Variants in NKAIN2 observed in about 807,000 individuals in gnomAD.
NKAIN2 encodes the protein sodium/potassium-transporting ATPase subunit beta-1-interacting protein 2.
A neutral mutation model predicts 32.6 loss-of-function variants in NKAIN2; 14 were observed. That is an observed-to-expected ratio of 0.43 (90% CI 0.28 to 0.67). NKAIN2 has a LOEUF of 0.67. Among genes scored for constraint, NKAIN2 ranks in the 30% least tolerant of loss-of-function variants. The probability of loss-of-function intolerance (pLI) is 0.17; values close to 1 mark genes in which losing one functional copy is unlikely to be tolerated. For missense variants in NKAIN2, 198 were observed against 258.3 expected (o/e 0.77, Z 1.60); for synonymous variants, 80 against 87.2 (o/e 0.92, Z 0.46).
chr6:123,837,694 A>G (rs1774689635), intron 1 of NKAIN2, among the ~76,000 whole-genome samples: 1 of 152,116 alleles, frequency 6.6e-6, no homozygotes, highest in Non-Finnish European at 1.5e-5. Flanking sequence ...AGTAAAACCG[A>G]AGTCCTTACT....
chr6:124,689,845 A>C (rs957898417), intron 4 of NKAIN2, among the ~76,000 whole-genome samples: 1 of 152,114 alleles, frequency 6.6e-6, no homozygotes, highest in Admixed American at 6.6e-5. Flanking sequence ...CTAGTACCAC[A>C]CTATCTTAAT....
chr6:124,103,854 G>A (rs1288810225), intron 1 of NKAIN2, among the ~76,000 whole-genome samples: 1 of 152,114 alleles, frequency 6.6e-6, no homozygotes, highest in Non-Finnish European at 1.5e-5. Context: ...TTGAGAGGCC[G>A]AGGTGGGCGG....
chr6:124,810,631 TAATAAA>T (rs1780854434), intron 5 of NKAIN2, among the ~76,000 whole-genome samples: 1 of 151,674 alleles, frequency 6.6e-6, no homozygotes, highest in Non-Finnish European at 1.5e-5. Flanking sequence ...TAAAGTATAA[TAATAAA>T]AATAAACAAA....
chr6:124,414,992 G>C (rs1210065032), intron 3 of NKAIN2, among the ~76,000 whole-genome samples: 1 of 151,790 alleles, frequency 6.6e-6, no homozygotes, highest in African/African-American at 2.4e-5. Flanking sequence ...AACTCAAATT[G>C]CTTTTTCTAT....
chr6:124,735,150 G>A (rs1319205428), intron 4 of NKAIN2, among the ~76,000 whole-genome samples: 1 of 151,858 alleles, frequency 6.6e-6, no homozygotes, highest in African/African-American at 2.4e-5. Flanking sequence ...TGTAACTCAG[G>A]AATTTCATTT....
chr6:124,186,182 A>AAAGAAAGG (rs1554263939), intron 1 of NKAIN2, among the ~76,000 whole-genome samples: 1 of 147,912 alleles, frequency 6.8e-6, no homozygotes, highest in African/African-American at 2.6e-5. Context: ...GGAAAGAAAG[A>AAAGAAAGG]AAGGAAGGAA....
At chr6:124,640,760 T>C (rs1009541758) in intron 3 of NKAIN2, among the ~76,000 whole-genome samples, 3 of 152,114 alleles carry the variant, frequency 2.0e-5, no homozygotes, top group Non-Finnish European at 4.4e-5. Context: ...AAAATTGAGA[T>C]TTTGAGCCTG....
chr6:124,588,426 G>T (rs1165265637), intron 3 of NKAIN2, among the ~76,000 whole-genome samples: 1 of 151,934 alleles, frequency 6.6e-6, no homozygotes, highest in African/African-American at 2.4e-5. Context: ...TGAGGCCTGC[G>T]TTAACATGTT....
At chr6:124,549,645 C>G (rs538722940) in intron 3 of NKAIN2, among the ~76,000 whole-genome samples, 1 of 152,330 alleles carries the variant, frequency 6.6e-6, no homozygotes, top group East Asian at 1.9e-4. Context: ...GATGCCTTCT[C>G]TCCTCGAATC....
At chr6:124,693,740 G>T (rs932301582) in intron 4 of NKAIN2, among the ~76,000 whole-genome samples, 1 of 152,130 alleles carries the variant, frequency 6.6e-6, no homozygotes, top group African/African-American at 2.4e-5. Context: ...TGGAGCACAG[G>T]GAGTGTCATA....
chr6:124,768,293 T>C (rs1270037941), intron 4 of NKAIN2, among the ~76,000 whole-genome samples: 3 of 152,206 alleles, frequency 2.0e-5, no homozygotes, highest in African/African-American at 7.2e-5. Flanking sequence ...ATTAAGCTTC[T>C]ATATCCAACC....
At chr6:124,014,712 TACCTC>T (rs1780485878) in intron 1 of NKAIN2, among the ~76,000 whole-genome samples, 1 of 152,122 alleles carries the variant, frequency 6.6e-6, no homozygotes, top group African/African-American at 2.4e-5. Context: ...AAATAATAGT[TACCTC>T]ATGCTGTTGT....
At chr6:124,686,806 G>C (rs186632282) in intron 4 of NKAIN2, among the ~76,000 whole-genome samples, 20 of 152,252 alleles carry the variant, frequency 1.3e-4, no homozygotes, top group Admixed American at 1.3e-3. Context: ...ACAAAGTATT[G>C]ATCCTGGGTG....
chr6:124,263,585 G>T (rs769005296), intron 1 of NKAIN2, among the ~76,000 whole-genome samples: 1 of 152,180 alleles, frequency 6.6e-6, no homozygotes, highest in South Asian at 2.1e-4. Context: ...TGCATATCTT[G>T]TCAGAAGAAA....
chr6:124,733,968 G>C (rs1024054988), intron 4 of NKAIN2, among the ~76,000 whole-genome samples: 1 of 150,560 alleles, frequency 6.6e-6, no homozygotes, highest in Non-Finnish European at 1.5e-5. Context: ...CTTCAATAAG[G>C]GTCATCTTGG....
At chr6:123,821,824 C>G (rs1347075816) in intron 1 of NKAIN2, among the ~76,000 whole-genome samples, 1 of 152,080 alleles carries the variant, frequency 6.6e-6, no homozygotes, top group African/African-American at 2.4e-5. Flanking sequence ...ATTTTAGAAT[C>G]TAAGAAGATG....
At chr6:124,221,697 C>T (rs1034050305) in intron 1 of NKAIN2, among the ~76,000 whole-genome samples, 1 of 152,084 alleles carries the variant, frequency 6.6e-6, no homozygotes, top group East Asian at 1.9e-4. Flanking sequence ...TCATGAACCC[C>T]AATTCCATAC....
At chr6:124,014,952 T>G (rs1224177702) in intron 1 of NKAIN2, among the ~76,000 whole-genome samples, 1 of 152,168 alleles carries the variant, frequency 6.6e-6, no homozygotes, top group Non-Finnish European at 1.5e-5. Context: ...CCTGATATAG[T>G]TTTATACATA....
At chr6:123,995,343 C>T (rs182778023) in intron 1 of NKAIN2, among the ~76,000 whole-genome samples, 1 of 152,264 alleles carries the variant, frequency 6.6e-6, no homozygotes, top group Admixed American at 6.5e-5. Flanking sequence ...CCTTTACAGA[C>T]AGATGGAATC....
Sources: allele counts gnomAD v4.1 joint callset (sites outside exome capture counted in the v4.1 genomes callset), GRCh38; gene constraint gnomAD v4.1.1; transcripts MANE v1.5; gene names NCBI Gene and HGNC (gene_info 2026-07-23, HGNC 2026-07-21).